The following PIGN variants were observed in gnomAD, a reference collection of about 807,000 sequenced individuals.
PIGN encodes phosphatidylinositol glycan anchor biosynthesis class N.
In PIGN, 117 loss-of-function variants were observed where a neutral mutation model predicts 125.4. That is an observed-to-expected ratio of 0.93 (90% CI 0.80 to 1.09). The LOEUF (loss-of-function observed/expected upper bound fraction) is 1.09, where lower values mean the gene tolerates loss of function less well. Ranked by LOEUF, PIGN falls within the 50% of genes least tolerant of loss-of-function variation. The probability of loss-of-function intolerance (pLI) is 0.00; values close to 1 mark genes in which losing one functional copy is unlikely to be tolerated. For missense variants in PIGN, 1,075 were observed against 1,094.9 expected (o/e 0.98, Z 0.26); for synonymous variants, 392 against 377.8 (o/e 1.04, Z -0.44).
rs1375810098 is a variant in PIGN, at chr18:62,042,518, A to G, written c.*3338T>C. 1.3e-5 allele frequency: 2 copies of G among 152,216 alleles called. No homozygotes were observed. Among genetic ancestry groups the G allele is most frequent in the African/African-American group, 4.8e-5 (2 of 41,452 alleles). 9.4% of individuals were successfully genotyped at this position (152,216 alleles called of 1,614,324 possible). A position where few individuals can be genotyped will look rare whatever the true frequency, so the allele number is the denominator to read the frequency against. On this transcript the variant is annotated 3_prime_UTR_variant, in exon 31 of 31. Coordinates refer to ENST00000640252, the MANE Select transcript of PIGN (RefSeq NM_176787.5). ...ACCCAAGGAAATGAATAAGAGACAC[A>G]TCTCAAAGGTTCTTTTTGTTTCTTT...
At chr18:62,176,155 C>T (rs534761736) in intron 1 of PIGN, among the ~76,000 whole-genome samples, 2 of 152,178 alleles carry the variant, frequency 1.3e-5, no homozygotes, top group South Asian at 4.1e-4. Context: ...TGATAATTTT[C>T]TCTAACATTA....
In PIGN at chr18:62,045,699, T is replaced by C; in HGVS notation, c.*157A>G. On this transcript the variant is annotated 3_prime_UTR_variant, in exon 31 of 31. Coordinates refer to ENST00000640252, the MANE Select transcript of PIGN (RefSeq NM_176787.5). ...CTAGAAAAAAAAAGAAGCTCCTTTGTTCCAGATAACCTGTCAATTCGGAAT... is the reference window on the plus strand; with the variant it reads ...CTAGAAAAAAAAAGAAGCTCCTTTGCTCCAGATAACCTGTCAATTCGGAAT... 3 of 619,346 alleles carry C rather than the reference T, an allele frequency of 4.8e-6. No individual in the cohort carries two copies. The highest frequency in any genetic ancestry group is 7.8e-6 in the Non-Finnish European group (3 of 384,346). 38.4% of individuals were successfully genotyped at this position (619,346 alleles called of 1,614,324 possible).
intron 1 of PIGN, 77 bp downstream of exon 1, chr18:62,186,767 G>C (rs1387406075): frequency 6.6e-6 from 1 of 152,224 alleles, no homozygotes; most frequent in Non-Finnish European, 1.5e-5. Context: ...CAGCGCAGTA[G>C]GGAAACAGCG....
At chr18:62,034,230 T>C (rs1420985103) in intron 23 of PIGN, among the ~76,000 whole-genome samples, 1 of 152,212 alleles carries the variant, frequency 6.6e-6, no homozygotes, top group Non-Finnish European at 1.5e-5. Context: ...AATGTGTTCC[T>C]TGTTTTGTTC....
intron 14 of PIGN, among the ~76,000 whole-genome samples, chr18:62,132,989 T>C (rs1439163877): frequency 6.6e-6 from 1 of 152,182 alleles, no homozygotes; most frequent in Non-Finnish European, 1.5e-5. Context: ...ATTTTTCAGC[T>C]AACATGGAAG....
chr18:62,058,856 A>AAG (rs1436768172), intron 30 of PIGN: 2 of 152,090 alleles, frequency 1.3e-5, no homozygotes, highest in Non-Finnish European at 2.9e-5. Flanking sequence ...GAGGCCTCAG[A>AAG]AGACACTCCA....
chr18:62,177,002 A>C (rs1301993464), intron 1 of PIGN, among the ~76,000 whole-genome samples: 1 of 152,164 alleles, frequency 6.6e-6, no homozygotes, highest in Non-Finnish European at 1.5e-5. Context: ...ATCTATACTC[A>C]AAAGATACAC....
chr18:62,148,648 A>G (rs574034297), intron 7 of PIGN, among the ~76,000 whole-genome samples: 68 of 152,292 alleles, frequency 4.5e-4, no homozygotes, highest in African/African-American at 1.4e-3. Flanking sequence ...AGCAGATTGA[A>G]GACATATTTT....
chr18:62,114,133 G>A (rs940396555), intron 15 of PIGN, among the ~76,000 whole-genome samples: 2 of 152,088 alleles, frequency 1.3e-5, no homozygotes, highest in Non-Finnish European at 2.9e-5. Flanking sequence ...AAGCCAAGGC[G>A]GGTGGATCAC....
chr18:62,182,999 TAGAA>T (rs1401868476), intron 1 of PIGN, among the ~76,000 whole-genome samples: 1 of 152,166 alleles, frequency 6.6e-6, no homozygotes, highest in African/African-American at 2.4e-5. Flanking sequence ...TAGAGTTAGA[TAGAA>T]GGAATAAGTT....
At chr18:62,182,237 C>T (rs993815159) in intron 1 of PIGN, among the ~76,000 whole-genome samples, 6 of 152,176 alleles carry the variant, frequency 3.9e-5, no homozygotes, top group East Asian at 1.9e-4. Context: ...CAGTTATTAC[C>T]TAATATGCAA....
intron 1 of PIGN, among the ~76,000 whole-genome samples, chr18:62,172,536 T>C (rs2037376509): frequency 6.6e-6 from 1 of 152,158 alleles, no homozygotes; most frequent in South Asian, 2.1e-4. Flanking sequence ...AATAATGTAC[T>C]TAACTTATAA....
At chr18:62,116,487 T>C (rs2035091681) in intron 14 of PIGN, among the ~76,000 whole-genome samples, 1 of 152,340 alleles carries the variant, frequency 6.6e-6, no homozygotes, top group Admixed American at 6.5e-5. Context: ...AGCTGCATAA[T>C]GGTGAAACTC....
intron 11 of PIGN, among the ~76,000 whole-genome samples, chr18:62,141,560 A>T (rs2036135671): frequency 6.6e-6 from 1 of 152,180 alleles, no homozygotes; most frequent in South Asian, 2.1e-4. Context: ...TCTACTATTT[A>T]GATTGTCATT....
At position 62,074,825 on chromosome 18, in the gene PIGN, G is replaced by GA. The variant is rs138671843; in HGVS notation, c.2577-5dup. 10,912 of 1,565,040 alleles carry GA rather than the reference G, an allele frequency of 7.0e-3. 215 individuals are homozygous for GA. In the East Asian group the frequency reaches 0.071, roughly 10 times the overall value. On this transcript the variant is annotated splice_polypyrimidine_tract_variant and splice_region_variant and intron_variant, in intron 28 of 30. Transcript: ENST00000640252. ...GACGAGAACAATGAGAAAAAGGCTGGAAAAAAAAAGAAGGAAAAATTACAT... is the reference window on the plus strand; with the variant it reads ...GACGAGAACAATGAGAAAAAGGCTGGAAAAAAAAAAGAAGGAAAAATTACAT...
chr18:62,063,669 G>A (rs1275002118), intron 30 of PIGN, among the ~76,000 whole-genome samples: 2 of 149,190 alleles, frequency 1.3e-5, no homozygotes, highest in African/African-American at 4.9e-5. Flanking sequence ...TCAATTAGGG[G>A]ACTTACAGGT....
At chr18:62,110,847 T>A (rs189547398) in intron 16 of PIGN, among the ~76,000 whole-genome samples, 2,765 of 147,802 alleles carry the variant, frequency 0.019, 63 homozygotes, top group African/African-American at 0.054. Flanking sequence ...TAATAAAAAA[T>A]ATATATATAA....
downstream of PIGN, among the ~76,000 whole-genome samples, chr18:62,039,259 TAC>T (rs1208934587): frequency 2.0e-5 from 3 of 152,092 alleles, no homozygotes; most frequent in Admixed American, 2.0e-4. Flanking sequence ...GCAAAATTAA[TAC>T]AGAGGGTTCC....
At chr18:62,087,448 A>G (rs2033759508) in intron 25 of PIGN, among the ~76,000 whole-genome samples, 1 of 152,248 alleles carries the variant, frequency 6.6e-6, no homozygotes, top group Non-Finnish European at 1.5e-5. Context: ...AGGCATTGTT[A>G]GAGGTTTGCG....
Sources: gnomAD v4.1 joint callset for allele counts (sites outside exome capture counted in the v4.1 genomes callset) on GRCh38, gnomAD v4.1.1 for gene constraint, MANE v1.5 for transcripts, NCBI Gene and HGNC (gene_info 2026-07-23, HGNC 2026-07-21) for gene names.